EBF1: variants seen among roughly 807,000 people sequenced by gnomAD.
The protein encoded by EBF1 is transcription factor COE1.
A neutral mutation model predicts 68.4 loss-of-function variants in EBF1; 10 were observed. The observed-to-expected ratio is 0.15, with a 90% confidence interval of 0.09 to 0.25. The LOEUF (loss-of-function observed/expected upper bound fraction) is 0.25, where lower values mean the gene tolerates loss of function less well. Ranked by LOEUF, EBF1 falls within the 10% of genes least tolerant of loss-of-function variation. EBF1 has a pLI of 1.00. For synonymous variants in EBF1, 298 were observed against 299.8 expected, an observed-to-expected ratio of 0.99 and a Z score of 0.06; for missense variants, 509 against 794.4, an observed-to-expected ratio of 0.64 and a Z score of 4.32.
intron 7 of EBF1, among the ~76,000 whole-genome samples, chr5:158,823,709 T>A (rs1785366062): frequency 6.6e-6 from 1 of 152,180 alleles, no homozygotes; most frequent in Non-Finnish European, 1.5e-5. Context: ...TTTGAATCTT[T>A]AAAATATTTC....
chr5:158,938,462 C>A (rs1428579690), intron 6 of EBF1, among the ~76,000 whole-genome samples: 1 of 152,246 alleles, frequency 6.6e-6, no homozygotes, highest in Non-Finnish European at 1.5e-5. Flanking sequence ...TCATGCTCTT[C>A]CCATCTTTAT....
chr5:158,845,256 T>C (rs1291473833), intron 6 of EBF1, among the ~76,000 whole-genome samples: 1 of 152,120 alleles, frequency 6.6e-6, no homozygotes, highest in African/African-American at 2.4e-5. Context: ...GAAGCCTGAG[T>C]GAATTTCAAC....
At chr5:159,089,934 A>G (rs1029106192) in intron 4 of EBF1, among the ~76,000 whole-genome samples, 1 of 152,068 alleles carries the variant, frequency 6.6e-6, no homozygotes, top group African/African-American at 2.4e-5. Flanking sequence ...AAAGGTTATC[A>G]GTAACTAACA....
At chr5:159,004,346 T>C (rs1763137307) in intron 6 of EBF1, among the ~76,000 whole-genome samples, 1 of 151,734 alleles carries the variant, frequency 6.6e-6, no homozygotes, top group Non-Finnish European at 1.5e-5. Context: ...TCACTCTGAC[T>C]ATATTAAGTC....
intron 6 of EBF1, among the ~76,000 whole-genome samples, chr5:158,948,087 C>T (rs1815195566): frequency 2.0e-5 from 3 of 152,204 alleles, no homozygotes; most frequent in African/African-American, 7.2e-5. Context: ...GCAAAATTGA[C>T]AGACTGTCAC....
chr5:159,016,593 C>T (rs1400018092), intron 6 of EBF1, among the ~76,000 whole-genome samples: 1 of 152,048 alleles, frequency 6.6e-6, no homozygotes, highest in East Asian at 1.9e-4. Flanking sequence ...AGTGTGATTC[C>T]CAGGAATTTG....
chr5:159,001,235 C>T (rs1006671715), intron 6 of EBF1, among the ~76,000 whole-genome samples: 3 of 151,978 alleles, frequency 2.0e-5, no homozygotes, highest in South Asian at 2.1e-4. Flanking sequence ...GATGGGGTTG[C>T]TATTGTTATT....
chr5:158,770,514 C>T (rs960968504), intron 10 of EBF1, among the ~76,000 whole-genome samples: 15 of 152,134 alleles, frequency 9.9e-5, no homozygotes, highest in African/African-American at 3.6e-4. Flanking sequence ...CAAAACTCCT[C>T]CCCATGGCTT....
chr5:158,780,831 A>G lies in EBF1; in HGVS notation c.910-3292T>C, dbSNP rs115295112. On this transcript the variant is annotated intron_variant, in intron 9 of 15. Coordinates refer to ENST00000313708, the MANE Select transcript of EBF1 (RefSeq NM_024007.5). ...GACTAACTTTCTCACAGTGTGATTC[A>G]GTTCTATTTCATGTCTGTGTCAAAT... is the stretch of plus-strand genomic sequence containing the variant. Among the ~76,000 whole-genome samples the G allele has an allele frequency of 9.1e-3, 1,389 of 152,336 alleles. 24 individuals carry two copies. Among genetic ancestry groups the G allele is most frequent in the African/African-American group, 0.032 (1,316 of 41,568 alleles).
chr5:158,761,111 T>C (rs1771344491), intron 10 of EBF1, among the ~76,000 whole-genome samples: 1 of 152,184 alleles, frequency 6.6e-6, no homozygotes, highest in Middle Eastern at 3.2e-3. Flanking sequence ...GAGGCAGGAT[T>C]GATCAGCACT....
At chr5:159,008,942 T>C (rs9791127) in intron 6 of EBF1, among the ~76,000 whole-genome samples, 94,637 of 152,036 alleles carry the variant, frequency 0.62, 29,973 homozygotes, top group South Asian at 0.8. Context: ...TAATTAACAT[T>C]ATCTCTTTTA....
At chr5:158,905,330 G>A (rs754614446) in intron 6 of EBF1, among the ~76,000 whole-genome samples, 11 of 151,908 alleles carry the variant, frequency 7.2e-5, no homozygotes, top group Admixed American at 2.0e-4. Context: ...TTTTTAAGCC[G>A]GAATTGAGGA....
Position 159,096,189 on chromosome 5 carries a change from AC to A in EBF1, c.355+153del, listed in dbSNP as rs1451425282. On this transcript the variant is annotated intron_variant, in intron 3 of 15. Transcript: ENST00000313708. ...GCCACTAGGAGCCTCCTCAGGTGAA[AC>A]CTCCTGGGGCGAAATTTAGGAGAGG... 1.2e-5 allele frequency: 10 copies of A among 801,054 alleles called. No homozygotes were observed. In the East Asian group the frequency reaches 1.9e-4, roughly 15 times the overall value. 49.6% of individuals were successfully genotyped at this position (801,054 alleles called of 1,614,324 possible).
At chr5:158,978,131 T>C (rs538282697) in intron 6 of EBF1, among the ~76,000 whole-genome samples, 15 of 152,358 alleles carry the variant, frequency 9.8e-5, no homozygotes, top group African/African-American at 2.9e-4. Flanking sequence ...GGGAAAATTT[T>C]TGATGCTTCT....
chr5:158,986,463 AGAGCAGCTATACTCAG>A, intron 6 of EBF1: 1 of 152,348 alleles, frequency 6.6e-6, no homozygotes, highest in Non-Finnish European at 1.5e-5. Flanking sequence ...CCAGGTAAAG[AGAGCAGCTATACTCAG>A]CAACAGCTGG....
chr5:158,703,693 A>C (rs1757248824), intron 15 of EBF1, among the ~76,000 whole-genome samples: 1 of 151,810 alleles, frequency 6.6e-6, no homozygotes, highest in South Asian at 2.1e-4. Context: ...TCATGATAGA[A>C]TCTGTGAATC....
chr5:158,745,105 T>C (rs1767249305), intron 10 of EBF1, among the ~76,000 whole-genome samples: 1 of 152,214 alleles, frequency 6.6e-6, no homozygotes, highest in Admixed American at 6.5e-5. Context: ...TTGGTGGTCT[T>C]AATATTGGTC....
At chr5:159,041,157 A>T (rs1771123639) in intron 6 of EBF1, among the ~76,000 whole-genome samples, 1 of 152,208 alleles carries the variant, frequency 6.6e-6, no homozygotes, top group Non-Finnish European at 1.5e-5. Flanking sequence ...AGCTTGACCA[A>T]TCCCCAATGC....
chr5:158,699,230 C>G (rs756026300), intron 15 of EBF1, 88 bp from the exon 16 acceptor site: 2 of 1,196,760 alleles, frequency 1.7e-6, no homozygotes, highest in Non-Finnish European at 2.4e-6. Flanking sequence ...AAAAAAAACA[C>G]CCACACACAA....
Sources: gnomAD v4.1 joint callset for allele counts (sites outside exome capture counted in the v4.1 genomes callset) on GRCh38, gnomAD v4.1.1 for gene constraint, MANE v1.5 for transcripts, NCBI Gene and HGNC (gene_info 2026-07-23, HGNC 2026-07-21) for gene names.